Variants in ARHGAP19 observed in about 807,000 individuals in gnomAD.
ARHGAP19 encodes rho GTPase-activating protein 19.
Under a neutral mutation model 60.9 loss-of-function variants are expected in ARHGAP19, and 48 were observed. The observed-to-expected ratio is 0.79, with a 90% CI of 0.62 to 1.00. The LOEUF (loss-of-function observed/expected upper bound fraction) is 1.00, where lower values mean the gene tolerates loss of function less well. ARHGAP19 is among the 50% of genes least tolerant of loss of function. The pLI is 0.00. For missense variants in ARHGAP19, 562 were observed against 597.2 expected (o/e 0.94, Z 0.61); for synonymous variants, 209 against 215.5 (o/e 0.97, Z 0.27).
chr10:97,284,823 A>C (rs1843132094), intron 1 of ARHGAP19, among the ~76,000 whole-genome samples: 1 of 151,052 alleles, frequency 6.6e-6, no homozygotes, highest in East Asian at 1.9e-4. Context: ...TATACTCTTA[A>C]CAAAAAAGAA....
intron 6 of ARHGAP19, among the ~76,000 whole-genome samples, chr10:97,254,971 G>A (rs923694060): frequency 6.6e-6 from 1 of 152,134 alleles, no homozygotes; most frequent in Non-Finnish European, 1.5e-5. Flanking sequence ...GTCACAGAAA[G>A]ACAAATACCG....
intron 8 of ARHGAP19, among the ~76,000 whole-genome samples, chr10:97,242,941 C>T (rs971399797): frequency 1.8e-4 from 27 of 151,274 alleles, no homozygotes; most frequent in African/African-American, 5.7e-4. Context: ...TGAGCCACCG[C>T]GCCCAGCCGG....
At chr10:97,276,872 A>G (rs1843030855) in intron 1 of ARHGAP19, among the ~76,000 whole-genome samples, 1 of 7,438 alleles carries the variant, frequency 1.3e-4, no homozygotes, top group African/African-American at 1.7e-4. Flanking sequence ...CCCGTCCGGG[A>G]GGTGAGGGGC....
chr10:97,235,763 A>C lies in ARHGAP19; in HGVS notation c.1186-448T>G, dbSNP rs111791652. Among the ~76,000 whole-genome samples, 423 of 152,306 alleles carry C rather than the reference A, an allele frequency of 2.8e-3. 2 individuals carry two copies. Among genetic ancestry groups the C allele is most frequent in the African/African-American group, 9.0e-3 (372 of 41,564 alleles). ...AATGGACATCTATCATGACTGCCTGACAACAATACCATCAGAGGAAATACA... is the reference window on the plus strand; with the variant it reads ...AATGGACATCTATCATGACTGCCTGCCAACAATACCATCAGAGGAAATACA... On this transcript the variant is annotated intron_variant, in intron 8 of 11. Coordinates refer to ENST00000358531, the MANE Select transcript of ARHGAP19 (RefSeq NM_032900.6).
At chr10:97,245,795 G>A (rs1842555357) in intron 7 of ARHGAP19, among the ~76,000 whole-genome samples, 1 of 152,046 alleles carries the variant, frequency 6.6e-6, no homozygotes, top group Non-Finnish European at 1.5e-5. Flanking sequence ...TAACACATTT[G>A]CTATTCACAG....
At chr10:97,256,569 T>C (rs1180708985) in intron 5 of ARHGAP19, 165 bp from the exon 6 acceptor site, 3 of 536,652 alleles carry the variant, frequency 5.6e-6, no homozygotes, top group East Asian at 6.2e-5. Flanking sequence ...GGATATGACA[T>C]AATCTAGAAA....
At chr10:97,256,749 CT>C (rs1842757579) in intron 5 of ARHGAP19, among the ~76,000 whole-genome samples, 4 of 152,192 alleles carry the variant, frequency 2.6e-5, no homozygotes, top group Admixed American at 2.0e-4. Flanking sequence ...ACCACTGCCT[CT>C]TTAGAAAACT....
At chr10:97,249,415 C>T (rs1372530244) in intron 6 of ARHGAP19, among the ~76,000 whole-genome samples, 5 of 152,184 alleles carry the variant, frequency 3.3e-5, no homozygotes, top group African/African-American at 7.2e-5. Context: ...ACAAACATCA[C>T]CTGTGAAGTA....
At chr10:97,288,207 T>C (rs927873861) in intron 1 of ARHGAP19, among the ~76,000 whole-genome samples, 2 of 152,188 alleles carry the variant, frequency 1.3e-5, no homozygotes, top group Non-Finnish European at 2.9e-5. Flanking sequence ...TTTACATATG[T>C]ATTCATCTGT....
Position 97,244,117 on chromosome 10 carries a change from G to C in ARHGAP19, c.1036C>G (p.Gln346Glu). 3 of 1,614,006 alleles carry C rather than the reference G, an allele frequency of 1.9e-6. No individual in the cohort carries two copies. The highest frequency in any genetic ancestry group is 2.5e-6 in the Non-Finnish European group (3 of 1,179,966). ...LIASCHTKSF[Q>E]LAKSQKRNRV... ...TTCCGTTTCTGAGACTTTGCCAGCT[G>C]AAAGGACTTAGTATGACATGAAGCT... The change falls in exon 8 of 12, where the codon CAG (glutamine) becomes GAG (glutamate). Residue 346 changes from glutamine to glutamate, a missense_variant. By Grantham distance (29) the Gln-to-Glu change is conservative. Coordinates refer to ENST00000358531, the MANE Select transcript of ARHGAP19 (RefSeq NM_032900.6).
At chr10:97,281,636 G>C (rs774600701) in intron 1 of ARHGAP19, among the ~76,000 whole-genome samples, 2 of 152,120 alleles carry the variant, frequency 1.3e-5, no homozygotes, top group Non-Finnish European at 2.9e-5. Flanking sequence ...CAAAAACTAA[G>C]GTAAGTCTCT....
rs560029953 is a variant in ARHGAP19 at position 97,230,677 on chromosome 10, A to C, written c.1285-803T>G. 1.9e-3 allele frequency among the ~76,000 whole-genome samples: 284 copies of C among 152,332 alleles called. 1 individual carries two copies. The highest frequency in any genetic ancestry group is 6.4e-3 in the African/African-American group (264 of 41,570). On this transcript the variant is annotated intron_variant, in intron 9 of 11. Coordinates refer to ENST00000358531, the MANE Select transcript of ARHGAP19 (RefSeq NM_032900.6). Reference sequence around the variant, plus strand: ...TCTGATTTAATAAATAATTTACATGAGAGGAGTTCTGGAGGAAAAAACTCT... The same window carrying C: ...TCTGATTTAATAAATAATTTACATGCGAGGAGTTCTGGAGGAAAAAACTCT...
At chr10:97,263,708 T>G in intron 3 of ARHGAP19, 79 bp from the exon 4 acceptor site, 1 of 1,398,192 alleles carries the variant, frequency 7.2e-7, no homozygotes, top group Non-Finnish European at 1.0e-6. Context: ...GTCTAAAGAC[T>G]ACTTTACACT....
chr10:97,251,424 G>GA (rs1842659257), intron 6 of ARHGAP19, among the ~76,000 whole-genome samples: 1 of 64,820 alleles, frequency 1.5e-5, no homozygotes, highest in Non-Finnish European at 3.2e-5. Context: ...GGAAGGGGAA[G>GA]GGAAGGGGAA....
At chr10:97,237,781 G>A (rs747296351) in intron 8 of ARHGAP19, among the ~76,000 whole-genome samples, 16 of 152,086 alleles carry the variant, frequency 1.1e-4, no homozygotes, top group Admixed American at 5.2e-4. Flanking sequence ...TGAGGCAGGA[G>A]AATCGCTTGA....
intron 1 of ARHGAP19, among the ~76,000 whole-genome samples, chr10:97,270,042 A>G (rs1478593234): frequency 6.6e-6 from 1 of 152,134 alleles, no homozygotes; most frequent in Non-Finnish European, 1.5e-5. Flanking sequence ...TAAACAGCAC[A>G]AACAGGTAGA....
At chr10:97,239,533 TGAGA>T (rs150845680) in intron 8 of ARHGAP19, among the ~76,000 whole-genome samples, 103 of 105,358 alleles carry the variant, frequency 9.8e-4, no homozygotes, top group African/African-American at 4.1e-3. Context: ...AAAAAGGGAG[TGAGA>T]GAGAGAGAGA....
intron 1 of ARHGAP19, among the ~76,000 whole-genome samples, chr10:97,288,319 C>T (rs1163156447): frequency 1.3e-5 from 2 of 151,692 alleles, no homozygotes; most frequent in African/African-American, 4.8e-5. Context: ...TGGTGGCTCA[C>T]ACCTGTAATT....
chr10:97,270,802 G>A, intron 1 of ARHGAP19: 1 of 645,130 alleles, frequency 1.6e-6, no homozygotes, highest in Non-Finnish European at 2.4e-6. Flanking sequence ...GCACTCATCT[G>A]CAAGAAGGAA....
Sources: gnomAD v4.1 joint callset for allele counts (sites outside exome capture counted in the v4.1 genomes callset) on GRCh38, gnomAD v4.1.1 for gene constraint, MANE v1.5 for transcripts, NCBI Gene and HGNC (gene_info 2026-07-23, HGNC 2026-07-21) for gene names.